The following TMEM132D variants were observed in gnomAD, a reference collection of about 807,000 sequenced individuals.
TMEM132D encodes the protein mature OL transmembrane protein.
Under a neutral mutation model 62.3 loss-of-function variants are expected in TMEM132D, and 21 were observed. The ratio of observed to expected loss-of-function variants is 0.34; its 90% CI spans 0.24 to 0.49. The LOEUF (loss-of-function observed/expected upper bound fraction) is 0.49, where lower values mean the gene tolerates loss of function less well. TMEM132D is among the 20% of genes least tolerant of loss of function. The probability of loss-of-function intolerance (pLI) is 0.99; values close to 1 mark genes in which losing one functional copy is unlikely to be tolerated. For missense variants in TMEM132D, 1,346 were observed against 1,402.8 expected (o/e 0.96, Z 0.65); for synonymous variants, 621 against 575.6 (o/e 1.08, Z -1.13).
chr12:129,674,431 C>A (rs1880578717), intron 2 of TMEM132D, among the ~76,000 whole-genome samples: 1 of 152,214 alleles, frequency 6.6e-6, no homozygotes, highest in Admixed American at 6.5e-5. Context: ...TACTTTCAGA[C>A]ATCTTTTCCC....
chr12:129,559,769 G>T (rs889733688), intron 2 of TMEM132D, among the ~76,000 whole-genome samples: 9 of 152,082 alleles, frequency 5.9e-5, no homozygotes, highest in South Asian at 2.1e-4. Context: ...TTAATATTAA[G>T]CCTGCCTTAA....
intron 5 of TMEM132D, among the ~76,000 whole-genome samples, chr12:129,195,365 T>A (rs1003939009): frequency 4.6e-5 from 7 of 152,010 alleles, no homozygotes; most frequent in Non-Finnish European, 1.0e-4. Context: ...GGAGATGGAA[T>A]AGGCCTTAGA....
At chr12:129,078,511 G>A (rs2135610858) in intron 8 of TMEM132D, 23 bp downstream of exon 8, 1 of 1,604,950 alleles carries the variant, frequency 6.2e-7, no homozygotes, top group Non-Finnish European at 8.5e-7. Context: ...CTGCTGAAGT[G>A]TGTCTCAAGC....
At chr12:129,254,149 T>C (rs1008707534) in intron 4 of TMEM132D, among the ~76,000 whole-genome samples, 1 of 152,106 alleles carries the variant, frequency 6.6e-6, no homozygotes, top group Non-Finnish European at 1.5e-5. Context: ...CGGGGAGTTA[T>C]GGACAACCAA....
chr12:129,440,144 T>C (rs1004956393), intron 3 of TMEM132D, among the ~76,000 whole-genome samples: 5 of 152,184 alleles, frequency 3.3e-5, no homozygotes, highest in Admixed American at 2.6e-4. Context: ...TAAACTCACT[T>C]TTACCAAAGC....
intron 1 of TMEM132D, among the ~76,000 whole-genome samples, chr12:129,868,745 G>T (rs186071717): frequency 9.2e-5 from 14 of 152,290 alleles, no homozygotes; most frequent in Admixed American, 8.5e-4. Context: ...TCTTCTAGAA[G>T]TTCACTGTCC....
At chr12:129,899,539 A>T (rs1303288107) in intron 1 of TMEM132D, among the ~76,000 whole-genome samples, 1 of 152,126 alleles carries the variant, frequency 6.6e-6, no homozygotes, top group African/African-American at 2.4e-5. Context: ...GGTGGATGGG[A>T]TGATGGGTGA....
chr12:129,587,765 A>G (rs1241570546), intron 2 of TMEM132D, among the ~76,000 whole-genome samples: 1 of 152,226 alleles, frequency 6.6e-6, no homozygotes, highest in African/African-American at 2.4e-5. Context: ...ACCACAAAGT[A>G]TGACAACAAA....
chr12:129,173,878 G>C (rs764025568), intron 5 of TMEM132D, among the ~76,000 whole-genome samples: 5 of 152,164 alleles, frequency 3.3e-5, no homozygotes, highest in Non-Finnish European at 5.9e-5. Flanking sequence ...CTGAGGAGGT[G>C]ATGAAAATCT....
At position 129,073,602 on chromosome 12, in the gene TMEM132D, G is replaced by T. The variant is rs1011042559; in HGVS notation, c.*273C>A. The T allele has an allele frequency of 2.6e-5, 9 of 352,220 alleles. No homozygotes were observed. The highest frequency in any genetic ancestry group is 1.7e-4 in the African/African-American group (8 of 47,580). The allele number at this position is 352,220 out of a possible 1,614,324, so 21.8% of individuals were successfully genotyped here. A position where few individuals can be genotyped will look rare whatever the true frequency, so the allele number is the denominator to read the frequency against. On this transcript the variant is annotated 3_prime_UTR_variant, in exon 9 of 9. Coordinates refer to ENST00000422113, the MANE Select transcript of TMEM132D (RefSeq NM_133448.3). ...TGTTCTTTCCTGGACGCTCTCAGAC[G>T]CTCAGTGATTCAGAACTCGTTTTTG... is the stretch of plus-strand genomic sequence containing the variant.
rs561306229 is a variant in TMEM132D at position 129,675,142 on chromosome 12, C to G, written c.968+24668G>C. On this transcript the variant is annotated intron_variant, in intron 2 of 8. Coordinates refer to ENST00000422113, the MANE Select transcript of TMEM132D (RefSeq NM_133448.3). ...TTTAAATCACAAGTAGAAGCAGCAG[C>G]AAGAAAAGGGATACAAAGCTTATTG... Among the ~76,000 whole-genome samples, 70 of 152,100 alleles carry G rather than the reference C, an allele frequency of 4.6e-4. 1 individual carries two copies. The South Asian group carries it at 1.0e-2, about 22-fold the overall frequency.
intron 3 of TMEM132D, among the ~76,000 whole-genome samples, chr12:129,506,664 G>A (rs764763009): frequency 1.3e-5 from 2 of 152,210 alleles, no homozygotes; most frequent in East Asian, 3.8e-4. Flanking sequence ...ACATGTAGGA[G>A]AATGAAACTG....
At chr12:129,116,918 C>CCAAA (rs1875910294) in intron 5 of TMEM132D, among the ~76,000 whole-genome samples, 1 of 58,990 alleles carries the variant, frequency 1.7e-5, no homozygotes, top group Non-Finnish European at 2.9e-5. Context: ...AAAATTTCCG[C>CCAAA]AAAAAAAAAA....
At chr12:129,133,974 AG>A (rs1316974112) in intron 5 of TMEM132D, among the ~76,000 whole-genome samples, 1 of 152,196 alleles carries the variant, frequency 6.6e-6, no homozygotes, top group Non-Finnish European at 1.5e-5. Flanking sequence ...CACCTGAGCA[AG>A]AAGCTGGCAT....
At chr12:129,578,171 C>A (rs1877731216) in intron 2 of TMEM132D, among the ~76,000 whole-genome samples, 1 of 152,124 alleles carries the variant, frequency 6.6e-6, no homozygotes, top group African/African-American at 2.4e-5. Flanking sequence ...CTTCCTCAGT[C>A]CTCGAGCCTT....
rs187536649 is a variant in TMEM132D, at chr12:129,080,462, C to T, written c.1923+1297G>A. 6.4e-4 allele frequency among the ~76,000 whole-genome samples: 97 copies of T among 152,324 alleles called. 1 individual carries two copies. Among genetic ancestry groups the T allele is most frequent in the Admixed American group, 3.7e-3 (56 of 15,302 alleles). Reference sequence around the variant, plus strand: ...ATTAGAGCATGCGACTCCTGGTCTACGGCCCAAACCCATTTATTTTCCTCC... The same window carrying T: ...ATTAGAGCATGCGACTCCTGGTCTATGGCCCAAACCCATTTATTTTCCTCC... On this transcript the variant is annotated intron_variant, in intron 7 of 8. Transcript: ENST00000422113.
chr12:129,171,971 A>C (rs1248354877), intron 5 of TMEM132D, among the ~76,000 whole-genome samples: 1 of 152,156 alleles, frequency 6.6e-6, no homozygotes, highest in African/African-American at 2.4e-5. Context: ...TGTCCTTTGG[A>C]GCTCTGAAGC....
chr12:129,527,641 T>C (rs1876087380), intron 3 of TMEM132D, among the ~76,000 whole-genome samples: 1 of 152,186 alleles, frequency 6.6e-6, no homozygotes, highest in African/African-American at 2.4e-5. Context: ...GAAACACTTG[T>C]CTATGGAGAG....
chr12:129,335,492 C>T (rs1395432482), intron 4 of TMEM132D, among the ~76,000 whole-genome samples: 3 of 152,024 alleles, frequency 2.0e-5, no homozygotes. Flanking sequence ...AGGTATTATC[C>T]CTGTAACTCC....
Sources: allele counts gnomAD v4.1 joint callset (sites outside exome capture counted in the v4.1 genomes callset), GRCh38; gene constraint gnomAD v4.1.1; transcripts MANE v1.5; gene names NCBI Gene and HGNC (gene_info 2026-07-23, HGNC 2026-07-21).